The following PPFIA2 variants were observed in gnomAD, a reference collection of about 807,000 sequenced individuals.
PPFIA2 encodes the protein PPFI scaffold protein A2.
Under a neutral mutation model 175.5 loss-of-function variants are expected in PPFIA2, and 46 were observed. The ratio of observed to expected loss-of-function variants is 0.26; its 90% CI spans 0.21 to 0.34. The LOEUF (loss-of-function observed/expected upper bound fraction) is 0.34, where lower values mean the gene tolerates loss of function less well. Ranked by LOEUF, PPFIA2 falls within the 10% of genes least tolerant of loss-of-function variation. The probability of loss-of-function intolerance (pLI) is 1.00; values close to 1 mark genes in which losing one functional copy is unlikely to be tolerated. For missense variants in PPFIA2, 1,179 were observed against 1,506.1 expected, an observed-to-expected ratio of 0.78 and a Z score of 3.60; for synonymous variants, 568 against 511.4, an observed-to-expected ratio of 1.11 and a Z score of -1.49.
At chr12:81,559,273 A>C (rs2069469264) in intron 4 of PPFIA2, among the ~76,000 whole-genome samples, 1 of 152,200 alleles carries the variant, frequency 6.6e-6, no homozygotes, top group Admixed American at 6.5e-5. Flanking sequence ...GGTGTGGTAG[A>C]AACAGCGTGT....
chr12:81,374,467 G>A (rs533450197), intron 11 of PPFIA2, among the ~76,000 whole-genome samples, 167 bp downstream of exon 11: 1 of 151,942 alleles, frequency 6.6e-6, no homozygotes, highest in Non-Finnish European at 1.5e-5. Flanking sequence ...TATTCCTGCT[G>A]GCATAAATAT....
rs1485654975 is a variant in PPFIA2, at chr12:81,748,135, A to G, written c.249+5838T>C. On this transcript the variant is annotated intron_variant, in intron 3 of 32. Coordinates refer to ENST00000549396, the MANE Select transcript of PPFIA2 (RefSeq NM_003625.5). ...GTCCAAAGCCTTGGCCATTCAGGACATTACCCATCCCTGACCATTCTTTCT... is the reference window on the plus strand; with the variant it reads ...GTCCAAAGCCTTGGCCATTCAGGACGTTACCCATCCCTGACCATTCTTTCT... Among the ~76,000 whole-genome samples the G allele has an allele frequency of 3.5e-5, 5 of 144,434 alleles. 1 individual carries two copies. The highest frequency in any genetic ancestry group is 7.8e-5 in the Non-Finnish European group (5 of 64,338). 94.8% of individuals were successfully genotyped at this position (144,434 alleles called of 152,430 possible).
At chr12:81,738,852 A>T (rs1351336507) in intron 3 of PPFIA2, among the ~76,000 whole-genome samples, 1 of 151,968 alleles carries the variant, frequency 6.6e-6, no homozygotes, top group Non-Finnish European at 1.5e-5. Context: ...AACATATATA[A>T]GAACACAGAC....
At chr12:81,575,839 A>T (rs2073426801) in intron 4 of PPFIA2, among the ~76,000 whole-genome samples, 1 of 151,846 alleles carries the variant, frequency 6.6e-6, no homozygotes, top group South Asian at 2.1e-4. Flanking sequence ...ACTACTGAAT[A>T]TAGGTGTTCC....
chr12:81,282,303 G>C (rs1335948459), intron 26 of PPFIA2, among the ~76,000 whole-genome samples: 1 of 151,832 alleles, frequency 6.6e-6, no homozygotes, highest in East Asian at 1.9e-4. Flanking sequence ...CTCTTCTTTT[G>C]TGTGTTCTCA....
intron 28 of PPFIA2, among the ~76,000 whole-genome samples, chr12:81,274,347 G>A (rs373503321): frequency 4.1e-4 from 62 of 152,182 alleles, no homozygotes; most frequent in African/African-American, 1.5e-3. Flanking sequence ...TATTTTGATA[G>A]TCTAAGACAT....
intron 3 of PPFIA2, among the ~76,000 whole-genome samples, chr12:81,711,365 C>A (rs542958230): frequency 4.6e-5 from 7 of 151,474 alleles, no homozygotes; most frequent in East Asian, 2.0e-4. Context: ...GAAACACACA[C>A]ATCCACCGTT....
At chr12:81,418,801 A>G (rs1522313) in intron 7 of PPFIA2, among the ~76,000 whole-genome samples, 48,457 of 151,718 alleles carry the variant, frequency 0.32, 8,314 homozygotes, top group East Asian at 0.46. Flanking sequence ...TTTCCTTCAC[A>G]TAAGTACAAA....
intron 22 of PPFIA2, among the ~76,000 whole-genome samples, chr12:81,307,819 C>T (rs1480882300): frequency 2.0e-5 from 3 of 152,168 alleles, no homozygotes; most frequent in Non-Finnish European, 4.4e-5. Flanking sequence ...GCTCAACTAA[C>T]ACAAATATTT....
chr12:81,608,100 T>C (rs1347412233), intron 4 of PPFIA2, among the ~76,000 whole-genome samples: 1 of 152,158 alleles, frequency 6.6e-6, no homozygotes, highest in Non-Finnish European at 1.5e-5. Flanking sequence ...TCACATTTAC[T>C]CATTTACATA....
At chr12:81,629,864 T>C (rs2063161295) in intron 4 of PPFIA2, among the ~76,000 whole-genome samples, 1 of 152,204 alleles carries the variant, frequency 6.6e-6, no homozygotes, top group South Asian at 2.1e-4. Flanking sequence ...CACATCCTAA[T>C]CCCTGAAGCC....
intron 4 of PPFIA2, among the ~76,000 whole-genome samples, chr12:81,671,337 G>T (rs1404789489): frequency 2.0e-5 from 3 of 151,534 alleles, no homozygotes; most frequent in African/African-American, 7.3e-5. Context: ...CTCCATTCTT[G>T]TTGTCACCTT....
At chr12:81,705,469 A>G (rs2077018418) in intron 3 of PPFIA2, among the ~76,000 whole-genome samples, 1 of 150,804 alleles carries the variant, frequency 6.6e-6, no homozygotes, top group Non-Finnish European at 1.5e-5. Context: ...AAAAAAAAAA[A>G]AAAAAGAAAA....
intron 11 of PPFIA2, among the ~76,000 whole-genome samples, chr12:81,374,310 G>A (rs186515739): frequency 4.6e-5 from 7 of 152,038 alleles, no homozygotes; most frequent in African/African-American, 1.4e-4. Context: ...AAATTGTTAT[G>A]TCTCATATAA....
At chr12:81,586,832 T>G (rs927862920) in intron 4 of PPFIA2, among the ~76,000 whole-genome samples, 1 of 151,886 alleles carries the variant, frequency 6.6e-6, no homozygotes, top group Non-Finnish European at 1.5e-5. Flanking sequence ...TTCTCTAAAT[T>G]TAAGATAAGC....
chr12:81,643,781 C>T (rs1254488887), intron 4 of PPFIA2, among the ~76,000 whole-genome samples: 15 of 151,828 alleles, frequency 9.9e-5, no homozygotes, highest in Admixed American at 9.9e-4. Flanking sequence ...GCGATTTTGT[C>T]GTAGAAGAGT....
At chr12:81,474,855 T>C (rs2057281395) in intron 4 of PPFIA2, among the ~76,000 whole-genome samples, 1 of 152,204 alleles carries the variant, frequency 6.6e-6, no homozygotes, top group Non-Finnish European at 1.5e-5. Context: ...TATAGATCAC[T>C]CTTAGAATCA....
At chr12:81,556,462 T>G (rs746050608) in intron 4 of PPFIA2, among the ~76,000 whole-genome samples, 5 of 151,920 alleles carry the variant, frequency 3.3e-5, no homozygotes, top group African/African-American at 7.2e-5. Flanking sequence ...CATTAGAAGA[T>G]GCAAAACTCT....
At chr12:81,742,025 G>A (rs2082385443) in intron 3 of PPFIA2, among the ~76,000 whole-genome samples, 1 of 152,110 alleles carries the variant, frequency 6.6e-6, no homozygotes, top group Non-Finnish European at 1.5e-5. Flanking sequence ...CAAGCCTAGA[G>A]AGCAGCCGCA....
Sources: gnomAD v4.1 joint callset for allele counts (sites outside exome capture counted in the v4.1 genomes callset) on GRCh38, gnomAD v4.1.1 for gene constraint, MANE v1.5 for transcripts, NCBI Gene and HGNC (gene_info 2026-07-23, HGNC 2026-07-21) for gene names.